Variants in PARD3B observed in about 807,000 individuals in gnomAD.
The protein encoded by PARD3B is par-3 family cell polarity regulator beta.
In PARD3B, 103 loss-of-function variants were observed where a neutral mutation model predicts 130.2. The ratio of observed to expected loss-of-function variants is 0.79; its 90% confidence interval spans 0.67 to 0.93. PARD3B has a LOEUF of 0.93. Among genes scored for constraint, PARD3B ranks in the 40% least tolerant of loss-of-function variants. The pLI, the probability that PARD3B is intolerant of heterozygous loss-of-function variation, is 0.00. For missense variants in PARD3B, 1,609 were observed against 1,499.2 expected (o/e 1.07, Z -1.21); for synonymous variants, 583 against 553.2 (o/e 1.05, Z -0.76).
At chr2:205,535,675 T>C (rs1172929443) in intron 21 of PARD3B, among the ~76,000 whole-genome samples, 1 of 152,192 alleles carries the variant, frequency 6.6e-6, no homozygotes, top group Non-Finnish European at 1.5e-5. Context: ...AAGGTTTCTC[T>C]TCCCTATGAG....
intron 18 of PARD3B, among the ~76,000 whole-genome samples, chr2:205,358,119 G>C (rs559405799): frequency 8.5e-5 from 13 of 152,270 alleles, no homozygotes; most frequent in African/African-American, 3.1e-4. Context: ...TTTGTCTCCT[G>C]AGTTTCCATA....
At chr2:205,145,069 G>A (rs1303903105) in intron 10 of PARD3B, among the ~76,000 whole-genome samples, 1 of 152,132 alleles carries the variant, frequency 6.6e-6, no homozygotes, top group Non-Finnish European at 1.5e-5. Flanking sequence ...GAAGATGATT[G>A]AGATGTAATC....
In PARD3B at chr2:204,979,978, A is replaced by T. The variant is rs190281347; in HGVS notation, c.394+14655A>T. On this transcript the variant is annotated intron_variant, in intron 3 of 22. Transcript: ENST00000406610. ...ACAAAAAGTGATAGCCATGGGAAAA[A>T]TTTTGATAAATTGGGTTATGTGCAA... Among the ~76,000 whole-genome samples the T allele has an allele frequency of 3.1e-3, 470 of 152,300 alleles. 5 individuals are homozygous for T. The highest frequency in any genetic ancestry group is 0.011 in the African/African-American group (438 of 41,570).
At chr2:204,763,603 G>C (rs1274751102) in intron 2 of PARD3B, among the ~76,000 whole-genome samples, 1 of 152,182 alleles carries the variant, frequency 6.6e-6, no homozygotes, top group African/African-American at 2.4e-5. Flanking sequence ...CCATAGAGGA[G>C]ATAAACAGTG....
rs191778212 is a variant in PARD3B, at chr2:205,111,140, A to G, written c.594-2351A>G. Among the ~76,000 whole-genome samples the G allele has an allele frequency of 4.5e-4, 69 of 152,252 alleles. 1 individual carries two copies. The highest frequency in any genetic ancestry group is 2.0e-3 in the Admixed American group (30 of 15,294). On this transcript the variant is annotated intron_variant, in intron 5 of 22. Coordinates refer to ENST00000406610, the MANE Select transcript of PARD3B (RefSeq NM_001302769.2). ...TAAAGAACATGATGAGACATGGTCT[A>G]TGTAAAATTTTATTACTTATCTTTA...
chr2:204,690,769 T>A (rs192856990), intron 2 of PARD3B, among the ~76,000 whole-genome samples: 1 of 152,282 alleles, frequency 6.6e-6, no homozygotes, highest in Admixed American at 6.5e-5. Flanking sequence ...CACTAATACA[T>A]ACACTGCCTC....
intron 21 of PARD3B, among the ~76,000 whole-genome samples, chr2:205,514,803 T>A (rs2050724438): frequency 1.3e-5 from 2 of 149,670 alleles, no homozygotes; most frequent in Non-Finnish European, 3.0e-5. Flanking sequence ...TTTAACAAGT[T>A]TTTATGTTTT....
chr2:204,729,988 CACACACACAA>C (rs1458102232), intron 2 of PARD3B, among the ~76,000 whole-genome samples: 16 of 133,684 alleles, frequency 1.2e-4, no homozygotes, highest in African/African-American at 4.5e-4. Flanking sequence ...TACAGATACA[CACACACACAA>C]ACACACACAC....
chr2:204,887,811 G>T lies in PARD3B; in HGVS notation c.223-77341G>T, dbSNP rs1378623569. ...CAAGGCAACCCTACCAGAGGCATAC[G>T]ACCAGACAGTGCATGGTGCAATGCC... On this transcript the variant is annotated intron_variant, in intron 2 of 22. Transcript: ENST00000406610. This position sits in a 1 kb window ranked among gnomAD's most constrained non-coding sequence, Gnocchi z 4.2. Among the ~76,000 whole-genome samples, 2 of 152,112 alleles carry T rather than the reference G, an allele frequency of 1.3e-5. No individual in the cohort carries two copies. Among genetic ancestry groups the T allele is most frequent in the East Asian group, 3.9e-4 (2 of 5,180 alleles).
At chr2:205,295,499 T>C (rs2041756196) in intron 16 of PARD3B, among the ~76,000 whole-genome samples, 1 of 152,222 alleles carries the variant, frequency 6.6e-6, no homozygotes, top group African/African-American at 2.4e-5. Flanking sequence ...GTTATTGGAA[T>C]GTACAAATTA....
At position 205,158,547 on chromosome 2, in the gene PARD3B, A is replaced by G. The variant is rs950833048; in HGVS notation, c.1435-175A>G. ...CCTCTTCCCCTGCTCCATGGATGTG[A>G]CTGTGGCTCCTTGTGGAGAGCTAAA... On this transcript the variant is annotated intron_variant, in intron 10 of 22. Transcript: ENST00000406610. This position sits in a 1 kb window ranked among gnomAD's most constrained non-coding sequence, Gnocchi z 5.4. 2.0e-5 allele frequency among the ~76,000 whole-genome samples: 3 copies of G among 152,140 alleles called. No homozygotes were observed. Among genetic ancestry groups the G allele is most frequent in the Non-Finnish European group, 4.4e-5 (3 of 68,026 alleles).
intron 2 of PARD3B, among the ~76,000 whole-genome samples, chr2:204,798,338 G>A (rs1209388997): frequency 6.6e-6 from 1 of 152,224 alleles, no homozygotes; most frequent in Non-Finnish European, 1.5e-5. Flanking sequence ...TGGCACTCAT[G>A]GAGGGAGCAT....
At chr2:204,938,848 G>A (rs905111009) in intron 2 of PARD3B, among the ~76,000 whole-genome samples, 1 of 152,182 alleles carries the variant, frequency 6.6e-6, no homozygotes, top group Non-Finnish European at 1.5e-5. Context: ...GTAGCCCAGT[G>A]TAGTGCCTTG....
rs150466732 is a variant in PARD3B at position 204,907,581 on chromosome 2, T to G, written c.223-57571T>G. ...TGGGGGCTCAGCCAAAGCCTTAGTT[T>G]CATGGAATTCGGAGTTTGATCAGTG... On this transcript the variant is annotated intron_variant, in intron 2 of 22. Coordinates refer to ENST00000406610, the MANE Select transcript of PARD3B (RefSeq NM_001302769.2). The surrounding 1 kb of genome is among the most constrained non-coding windows in gnomAD (Gnocchi z 5.7). Among the ~76,000 whole-genome samples, 23 of 152,332 alleles carry G rather than the reference T, an allele frequency of 1.5e-4. No individual in the cohort carries two copies. The highest frequency in any genetic ancestry group is 5.3e-4 in the African/African-American group (22 of 41,576).
intron 18 of PARD3B, among the ~76,000 whole-genome samples, chr2:205,330,914 G>A (rs1466878590): frequency 6.6e-6 from 1 of 151,878 alleles, no homozygotes; most frequent in Non-Finnish European, 1.5e-5. Flanking sequence ...GTTTTATTGA[G>A]GGCCATTCAT....
intron 3 of PARD3B, among the ~76,000 whole-genome samples, chr2:204,984,024 A>C (rs530252817): frequency 1.3e-5 from 2 of 152,022 alleles, no homozygotes; most frequent in South Asian, 4.1e-4. Flanking sequence ...TCTCCTGTTC[A>C]TCTGTTTTAT....
rs1198492619 is a variant in PARD3B at position 205,594,132 on chromosome 2, G to A, written c.3261-21324G>A. Among the ~76,000 whole-genome samples, 3 of 152,158 alleles carry A rather than the reference G, an allele frequency of 2.0e-5. No individual in the cohort carries two copies. The South Asian group carries it at 6.2e-4, about 32-fold the overall frequency. ...GCAGGGCCATGAAATTATAACCCCTGTCAACTCATTGGAGGCCACCTACAC... is the reference window on the plus strand; with the variant it reads ...GCAGGGCCATGAAATTATAACCCCTATCAACTCATTGGAGGCCACCTACAC... On this transcript the variant is annotated intron_variant, in intron 22 of 22. Coordinates refer to ENST00000406610, the MANE Select transcript of PARD3B (RefSeq NM_001302769.2).
At position 205,513,179 on chromosome 2, in the gene PARD3B, A is replaced by C. The variant is rs189245912; in HGVS notation, c.3180+13148A>C. Among the ~76,000 whole-genome samples, 388 of 152,222 alleles carry C rather than the reference A, an allele frequency of 2.5e-3. 1 individual carries two copies. Among genetic ancestry groups the C allele is most frequent in the Non-Finnish European group, 4.8e-3 (329 of 67,982 alleles). ...TCTCACAATTAATGTGAATGATAGC[A>C]GGAAGCAATCTTTAAAGTAGTACTT... On this transcript the variant is annotated intron_variant, in intron 21 of 22. Transcript: ENST00000406610.
intron 2 of PARD3B, among the ~76,000 whole-genome samples, chr2:204,752,070 C>T (rs1304262176): frequency 6.6e-6 from 1 of 152,130 alleles, no homozygotes; most frequent in African/African-American, 2.4e-5. Flanking sequence ...GGCTTTGGAA[C>T]TTAAAATATC....
Sources: gnomAD v4.1 joint callset for allele counts (sites outside exome capture counted in the v4.1 genomes callset) on GRCh38, gnomAD v4.1.1 for gene constraint, Gnocchi (gnomAD v3.1) non-coding constraint, MANE v1.5 for transcripts, NCBI Gene and HGNC (gene_info 2026-07-23, HGNC 2026-07-21) for gene names.